RTEL1: variants seen among roughly 807,000 people sequenced by gnomAD.
RTEL1 encodes regulator of telomere elongation helicase 1, also known as regulator of telomere length.
In RTEL1, 86 loss-of-function variants were observed where a neutral mutation model predicts 162.2. That is an observed-to-expected ratio of 0.53 (90% CI 0.45 to 0.63). The LOEUF (loss-of-function observed/expected upper bound fraction) is 0.63, where lower values mean the gene tolerates loss of function less well. Ranked by LOEUF, RTEL1 falls within the 30% of genes least tolerant of loss-of-function variation. The pLI, the probability that RTEL1 is intolerant of heterozygous loss-of-function variation, is 0.00. For missense variants in RTEL1, 1,941 were observed against 1,750.2 expected (o/e 1.11, Z -1.95); for synonymous variants, 958 against 717.9 (o/e 1.33, Z -5.35).
intron 32 of RTEL1, 29 bp from the exon 33 acceptor site, chr20:63,695,037 G>A (rs1241291370): frequency 1.2e-6 from 2 of 1,610,338 alleles, no homozygotes; most frequent in East Asian, 2.2e-5. Context: ...AATGGGGGCT[G>A]TGCCGGGTCT....
At chr20:63,691,655 ACCATCT>A in intron 27 of RTEL1, 81 bp from the exon 28 acceptor site, 1 of 1,219,724 alleles carries the variant, frequency 8.2e-7, no homozygotes, top group Non-Finnish European at 1.2e-6. Context: ...GCTCCTTGGG[ACCATCT>A]TCCCTGTGCG....
Position 63,696,178 on chromosome 20 carries a change from C to T in RTEL1, c.*320C>T. ...AGCCCCTCACCGGGAAGGAGGAGAC[C>T]CCCGTGGGCACGTGTCCACTTTTAA... On this transcript the variant is annotated 3_prime_UTR_variant, in exon 35 of 35. Coordinates refer to ENST00000360203, the MANE Select transcript of RTEL1 (RefSeq NM_001283009.2). 4.4e-6 allele frequency: 2 copies of T among 456,608 alleles called. No homozygotes were observed. Among genetic ancestry groups the T allele is most frequent in the Non-Finnish European group, 7.8e-6 (2 of 255,040 alleles). The allele number at this position is 456,608 out of a possible 1,614,324, so 28.3% of individuals were successfully genotyped here. A position where few individuals can be genotyped will look rare whatever the true frequency, so the allele number is the denominator to read the frequency against.
intron 14 of RTEL1, among the ~76,000 whole-genome samples, chr20:63,685,054 T>TTG (rs1343005276): frequency 1.7e-4 from 26 of 150,604 alleles, no homozygotes; most frequent in African/African-American, 6.3e-4. Flanking sequence ...GGTTTTTTTT[T>TTG]TTTTTTTTTT....
chr20:63,685,730 G>C (rs1370047406), intron 15 of RTEL1, 61 bp from the exon 16 acceptor site: 1 of 1,589,032 alleles, frequency 6.3e-7, no homozygotes. Context: ...GTCCTAAAAG[G>C]TAAGGGGCTG....
chr20:63,672,269 T>C (rs6011018), intron 8 of RTEL1, among the ~76,000 whole-genome samples: 2 of 152,224 alleles, frequency 1.3e-5, no homozygotes, highest in South Asian at 4.1e-4. Context: ...GTCTGTGGCT[T>C]CCTGACTGCG....
chr20:63,694,392 A>C lies in RTEL1; in HGVS notation c.3013A>C (p.Lys1005Gln). ...DPTGRTAPDP[K>Q]LTVSTAAAQQ... ...ATCAGGAAGAACGGCGCCGGATCCC[A>C]AGCTGACCGTGTCCACGGCTGCAGC... The change falls in exon 31 of 35, where the codon AAG becomes CAG. Residue 1005 changes from lysine (K) to glutamine (Q), a missense_variant. Lys to Gln is a moderately conservative substitution (Grantham distance 53). Transcript: ENST00000360203. 1.9e-6 allele frequency: 3 copies of C among 1,590,426 alleles called. No homozygotes were observed. The highest frequency in any genetic ancestry group is 1.7e-6 in the Non-Finnish European group (2 of 1,166,950).
At chr20:63,682,562 C>G in intron 14 of RTEL1, 1 of 985,908 alleles carries the variant, frequency 1.0e-6, no homozygotes, top group Non-Finnish European at 1.2e-6. Flanking sequence ...TCTAAGTAGC[C>G]GCTGGTGGAT....
intron 10 of RTEL1, among the ~76,000 whole-genome samples, chr20:63,674,961 G>A (rs2090319651): frequency 6.6e-6 from 1 of 151,354 alleles, no homozygotes; most frequent in Non-Finnish European, 1.5e-5. Context: ...AGGCTGGAGT[G>A]CAATGGCGCG....
chr20:63,665,922 C>A, intron 6 of RTEL1, 82 bp from the exon 7 acceptor site: 1 of 1,315,860 alleles, frequency 7.6e-7, no homozygotes, highest in Non-Finnish European at 1.1e-6. Context: ...GTGTAGGAGC[C>A]GTTCTGTCCT....
At position 63,695,186 on chromosome 20, in the gene RTEL1, T is replaced by C; in HGVS notation, c.3464T>C (p.Val1155Ala). Residue 1155 changes from valine (V) to alanine (A), a missense_variant, in exon 33 of 35, where the codon GTG (valine) becomes GCG (alanine). By Grantham distance (64) the Val-to-Ala change is moderately conservative. Coordinates refer to ENST00000360203, the MANE Select transcript of RTEL1 (RefSeq NM_001283009.2). ...GGACCCCAGGAGGAGAGGCTTGCCGTGCCTCCTGTGCTTACCCACAGGGCT... is the reference window on the plus strand; with the variant it reads ...GGACCCCAGGAGGAGAGGCTTGCCGCGCCTCCTGTGCTTACCCACAGGGCT... The part of the protein sequence containing the change: ...PPGPQEERLA[V>A]PPVLTHRAPQ... The C allele has an allele frequency of 6.2e-7, 1 of 1,612,042 alleles. No homozygotes were observed.
chr20:63,671,932 G>A (rs2090251298), intron 8 of RTEL1, among the ~76,000 whole-genome samples: 1 of 151,826 alleles, frequency 6.6e-6, no homozygotes, highest in Non-Finnish European at 1.5e-5. Context: ...CGCCTAGGCT[G>A]GAGTGCAGTG....
intron 4 of RTEL1, 194 bp from the exon 5 acceptor site, chr20:63,662,352 G>C: frequency 9.0e-7 from 1 of 1,111,150 alleles, no homozygotes; most frequent in Non-Finnish European, 1.3e-6. Flanking sequence ...TGTGGAAGCT[G>C]TCGAATCTCC....
chr20:63,663,779 G>T (rs571715387), intron 6 of RTEL1, among the ~76,000 whole-genome samples: 1 of 152,320 alleles, frequency 6.6e-6, no homozygotes, highest in South Asian at 2.1e-4. Context: ...CGGCGGTCCT[G>T]TGGGCTGCTT....
intron 32 of RTEL1, 39 bp downstream of exon 32, chr20:63,695,013 G>C (rs1312951834): frequency 1.2e-6 from 2 of 1,610,160 alleles, no homozygotes; most frequent in African/African-American, 2.7e-5. Flanking sequence ...GGTGGGGTGG[G>C]GGGCAGGGGA....
intron 6 of RTEL1, among the ~76,000 whole-genome samples, chr20:63,664,878 G>A (rs939248573): frequency 2.6e-5 from 4 of 152,332 alleles, no homozygotes; most frequent in South Asian, 2.1e-4. Context: ...GTCAGCCTGG[G>A]GCAGAGCCTC....
rs776304257 is a variant in RTEL1 at position 63,661,929 on chromosome 20, G to C, written c.381G>C (p.Arg127=). ...TCACACAGGTCATCAACGAGCTTCG[G>C]AACACCTCCTACCGGTGGGTCAGAC... is the stretch of plus-strand genomic sequence containing the variant. ...SQLTQVINEL[R]NTSYRPKVCV... is the part of the protein sequence containing the mutation. The change falls in exon 4 of 35, where the codon CGG becomes CGC. Residue 127 remains arginine, a synonymous_variant. Transcript: ENST00000360203. This position sits in a 1 kb window ranked among gnomAD's most constrained non-coding sequence, Gnocchi z 5.1. 1.2e-6 allele frequency: 2 copies of C among 1,613,650 alleles called. No homozygotes were observed. The highest frequency in any genetic ancestry group is 2.2e-5 in the South Asian group (2 of 91,064).
chr20:63,693,865 C>G (rs923710012), intron 30 of RTEL1, among the ~76,000 whole-genome samples: 8 of 149,576 alleles, frequency 5.3e-5, no homozygotes, highest in African/African-American at 2.0e-4. Flanking sequence ...TGTCCAACTG[C>G]CACACGTCCC....
chr20:63,661,309 C>A lies in RTEL1; in HGVS notation c.114C>A (p.Gly38=), dbSNP rs1200738721. 1 of 1,612,128 alleles carries A rather than the reference C, an allele frequency of 6.2e-7. No homozygotes were observed. The highest frequency in any genetic ancestry group is 1.3e-5 in the African/African-American group (1 of 75,020). Residue 38 remains glycine (G), a synonymous_variant, in exon 3 of 35, where the codon GGC becomes GGA. Coordinates refer to ENST00000360203, the MANE Select transcript of RTEL1 (RefSeq NM_001283009.2). The surrounding 1 kb of genome is among the most constrained non-coding windows in gnomAD (Gnocchi z 5.1). ...CGAACTCCGTTCAGAAGGTGAATGG[C>A]ATCCTGGAGAGCCCTACGGGTACAG... is the stretch of plus-strand genomic sequence containing the variant. The part of the protein sequence containing the change: ...VLECLQQKVN[G]ILESPTGTGK...
intron 7 of RTEL1, 125 bp downstream of exon 7, chr20:63,666,204 C>T (rs1310323255): frequency 2.6e-6 from 2 of 766,232 alleles, no homozygotes; most frequent in Admixed American, 2.8e-5. Flanking sequence ...AACTAACCAC[C>T]ATTCAGTACG....
Sources: allele counts gnomAD v4.1 joint callset (sites outside exome capture counted in the v4.1 genomes callset), GRCh38; gene constraint gnomAD v4.1.1; non-coding constraint Gnocchi (gnomAD v3.1); transcripts MANE v1.5; gene names NCBI Gene and HGNC (gene_info 2026-07-23, HGNC 2026-07-21).